The following TUBGCP3 variants were observed in gnomAD, a reference collection of about 807,000 sequenced individuals.
TUBGCP3 encodes the protein tubulin gamma complex component 3, also known as gamma-tubulin complex component 3.
A neutral mutation model predicts 123.1 loss-of-function variants in TUBGCP3; 50 were observed. The observed-to-expected ratio is 0.41, with a 90% CI of 0.32 to 0.51. TUBGCP3 has a LOEUF of 0.51. Among genes scored for constraint, TUBGCP3 ranks in the 20% least tolerant of loss-of-function variants. The pLI is 0.36. For synonymous variants in TUBGCP3, 405 were observed against 413.9 expected (o/e 0.98, Z 0.26); for missense variants, 882 against 1,127.0 (o/e 0.78, Z 3.11).
At chr13:112,498,689 T>C in intron 20 of TUBGCP3, 2 of 1,353,856 alleles carry the variant, frequency 1.5e-6, no homozygotes, top group Non-Finnish European at 2.0e-6. Flanking sequence ...TGCAGCATGG[T>C]GCACGATCCA....
At chr13:112,501,634 A>AAT (rs1324957151) in intron 19 of TUBGCP3, among the ~76,000 whole-genome samples, 1 of 152,280 alleles carries the variant, frequency 6.6e-6, no homozygotes, top group African/African-American at 2.4e-5. Flanking sequence ...TTATGTCAAT[A>AAT]ATAGATTGTT....
intron 1 of TUBGCP3, among the ~76,000 whole-genome samples, chr13:112,575,454 T>C (rs1227979298): frequency 6.6e-6 from 1 of 152,124 alleles, no homozygotes; most frequent in African/African-American, 2.4e-5. Context: ...GTAAGGCACA[T>C]GAAGCAAACT....
At chr13:112,493,902 T>C (rs991611807) in intron 20 of TUBGCP3, among the ~76,000 whole-genome samples, 2 of 150,698 alleles carry the variant, frequency 1.3e-5, no homozygotes, top group African/African-American at 4.9e-5. Context: ...TGGGGCCTGG[T>C]GTCCCTGAGA....
At chr13:112,549,728 G>T (rs112999421) in intron 8 of TUBGCP3, among the ~76,000 whole-genome samples, 1 of 151,778 alleles carries the variant, frequency 6.6e-6, no homozygotes, top group Admixed American at 6.6e-5. Context: ...AGTGGCTCAC[G>T]CCTGTAATCC....
At chr13:112,526,015 T>C (rs1048820219) in intron 13 of TUBGCP3, among the ~76,000 whole-genome samples, 3 of 152,268 alleles carry the variant, frequency 2.0e-5, no homozygotes. Flanking sequence ...AAAAATACTT[T>C]TAAGTAATCT....
chr13:112,555,017 T>C lies in TUBGCP3; in HGVS notation c.722-12A>G. 1.3e-6 allele frequency: 2 copies of C among 1,513,766 alleles called. No individual in the cohort carries two copies. The highest frequency in any genetic ancestry group is 2.3e-5 in the East Asian group (1 of 44,338). The allele number at this position is 1,513,766 out of a possible 1,614,324, so 93.8% of individuals were successfully genotyped here. On this transcript the variant is annotated splice_polypyrimidine_tract_variant and intron_variant, in intron 6 of 21. Coordinates refer to ENST00000261965, the MANE Select transcript of TUBGCP3 (RefSeq NM_006322.6). ...AATTTCCATAGTACCTGCAAAATCA[T>C]TTTTTAAAGACAGTAATTACTAGAC...
intron 20 of TUBGCP3, chr13:112,498,668 C>T (rs769466050): frequency 8.7e-5 from 102 of 1,176,408 alleles, no homozygotes; most frequent in Non-Finnish European, 1.1e-4. Context: ...TAGATGCACA[C>T]GTTTGCAAAA....
At chr13:112,594,937 T>A in the TUBGCP3 span, among the ~76,000 whole-genome samples, 1 of 152,214 alleles carries the variant, frequency 6.6e-6, no homozygotes, top group African/African-American at 2.4e-5. Context: ...TTAATTCTTT[T>A]AAATATGTTG....
intron 5 of TUBGCP3, among the ~76,000 whole-genome samples, chr13:112,557,990 A>C (rs1403574658): frequency 2.6e-5 from 4 of 152,234 alleles, no homozygotes; most frequent in African/African-American, 7.2e-5. Flanking sequence ...TGTGGATTAC[A>C]AAGTGGAAGG....
chr13:112,520,197 C>T (rs1311954702), intron 14 of TUBGCP3, among the ~76,000 whole-genome samples, 176 bp from the exon 15 acceptor site: 1 of 152,188 alleles, frequency 6.6e-6, no homozygotes, highest in East Asian at 1.9e-4. Context: ...ACAGGGCTTA[C>T]TAATTATTGT....
intron 20 of TUBGCP3, among the ~76,000 whole-genome samples, chr13:112,493,509 G>A (rs1464658653): frequency 6.8e-6 from 1 of 147,364 alleles, no homozygotes; most frequent in African/African-American, 2.5e-5. Context: ...CTAGCTATGG[G>A]AATGGGACCT....
chr13:112,571,034 A>G (rs1881351534), intron 1 of TUBGCP3, among the ~76,000 whole-genome samples: 1 of 152,148 alleles, frequency 6.6e-6, no homozygotes, highest in South Asian at 2.1e-4. Context: ...TATTGCCACC[A>G]CATCTGCAGT....
chr13:112,496,296 G>C lies in TUBGCP3; in HGVS notation c.2448+2749C>G, dbSNP rs1880523247. 2.0e-5 allele frequency among the ~76,000 whole-genome samples: 3 copies of C among 152,200 alleles called. No individual in the cohort carries two copies. The South Asian group carries it at 6.2e-4, about 32-fold the overall frequency. ...GAAACAGAAGAGCCATGAGGAGGAA[G>C]AGAAGGGCCCTTTGGAGTCCCCCAC... is the stretch of plus-strand genomic sequence containing the variant. On this transcript the variant is annotated intron_variant, in intron 20 of 21. Coordinates refer to ENST00000261965, the MANE Select transcript of TUBGCP3 (RefSeq NM_006322.6).
At chr13:112,541,541 CAA>C (rs57599177) in intron 11 of TUBGCP3, among the ~76,000 whole-genome samples, 113 of 102,766 alleles carry the variant, frequency 1.1e-3, no homozygotes, top group Middle Eastern at 5.1e-3. Flanking sequence ...GACTCCGTCT[CAA>C]AAAAAAAAAA....
At chr13:112,603,862 CAGAGGGAGGATGGAGGGAG>C in the TUBGCP3 span, 1 of 152,420 alleles carries the variant, frequency 6.6e-6, no homozygotes, top group African/African-American at 2.4e-5. Context: ...GAGAAGAGGG[CAGAGGGAGGATGGAGGGAG>C]AGAGGCTGTT....
intron 8 of TUBGCP3, among the ~76,000 whole-genome samples, chr13:112,553,016 C>T (rs1403503316): frequency 2.0e-5 from 3 of 150,862 alleles, no homozygotes; most frequent in Admixed American, 6.6e-5. Context: ...CCACCACCCA[C>T]ACTCCTCCTC....
At position 112,504,236 on chromosome 13, in the gene TUBGCP3, T is replaced by C. The variant is rs1881125089; in HGVS notation, c.2176-73A>G. On this transcript the variant is annotated intron_variant, in intron 18 of 21. Transcript: ENST00000261965. ...AGTGTAGCATCACTCATAAAATATA[T>C]ACCACCTATGGGAGGCCGAGGCGGG... is the stretch of plus-strand genomic sequence containing the variant. 4 of 1,594,216 alleles carry C rather than the reference T, an allele frequency of 2.5e-6. No individual in the cohort carries two copies. In the South Asian group the frequency reaches 3.4e-5, roughly 13 times the overall value.
intron 1 of TUBGCP3, among the ~76,000 whole-genome samples, chr13:112,571,775 G>C (rs550077779): frequency 1.1e-4 from 16 of 152,298 alleles, no homozygotes; most frequent in East Asian, 9.6e-4. Context: ...ATCTCAGCTA[G>C]TTCTGGATGA....
chr13:112,524,355 G>A lies in TUBGCP3; in HGVS notation c.1556-1846C>T, dbSNP rs190476534. On this transcript the variant is annotated intron_variant, in intron 13 of 21. Coordinates refer to ENST00000261965, the MANE Select transcript of TUBGCP3 (RefSeq NM_006322.6). This position sits in a 1 kb window ranked among gnomAD's most constrained non-coding sequence, Gnocchi z 4.4. ...CAGATGTGGGGCGGTGGGTACAGGG[G>A]CCGCCAGCAGCACAGCAGACGCGGT... 2.3e-4 allele frequency among the ~76,000 whole-genome samples: 35 copies of A among 152,248 alleles called. No homozygotes were observed. The highest frequency in any genetic ancestry group is 8.2e-4 in the African/African-American group (34 of 41,546).
Sources: gnomAD v4.1 joint callset for allele counts (sites outside exome capture counted in the v4.1 genomes callset) on GRCh38, gnomAD v4.1.1 for gene constraint, Gnocchi (gnomAD v3.1) non-coding constraint, MANE v1.5 for transcripts, NCBI Gene and HGNC (gene_info 2026-07-23, HGNC 2026-07-21) for gene names.